The following ALK variants were observed in gnomAD, a reference collection of about 807,000 sequenced individuals.
The protein encoded by ALK is ALK receptor tyrosine kinase, also known as ALK tyrosine kinase receptor.
ALK carries 74 observed loss-of-function variants against 163.1 expected under a neutral mutation model. The ratio of observed to expected loss-of-function variants is 0.45; its 90% CI spans 0.38 to 0.55. The LOEUF (loss-of-function observed/expected upper bound fraction) is 0.55, where lower values mean the gene tolerates loss of function less well. ALK is among the 20% of genes least tolerant of loss of function. The pLI, the probability that ALK is intolerant of heterozygous loss-of-function variation, is 0.00. For synonymous variants in ALK, 960 were observed against 843.2 expected, an observed-to-expected ratio of 1.14 and a Z score of -2.40; for missense variants, 2,063 against 2,105.3, an observed-to-expected ratio of 0.98 and a Z score of 0.39.
At chr2:29,586,694 T>C (rs1035435200) in intron 3 of ALK, among the ~76,000 whole-genome samples, 1 of 152,214 alleles carries the variant, frequency 6.6e-6, no homozygotes, top group African/African-American at 2.4e-5. Context: ...CGACAACTTG[T>C]GCAGTGTGAT....
At chr2:29,794,203 C>T (rs1229452575) in intron 1 of ALK, among the ~76,000 whole-genome samples, 1 of 152,146 alleles carries the variant, frequency 6.6e-6, no homozygotes, top group East Asian at 1.9e-4. Flanking sequence ...CCTTCAACCT[C>T]GTGAACCAAC....
intron 3 of ALK, among the ~76,000 whole-genome samples, chr2:29,552,316 G>A (rs1466274245): frequency 6.6e-6 from 1 of 152,138 alleles, no homozygotes; most frequent in African/African-American, 2.4e-5. Context: ...GAATGTTGGT[G>A]TACAAGTATG....
At chr2:29,460,362 G>A (rs1671056511) in intron 4 of ALK, among the ~76,000 whole-genome samples, 1 of 152,042 alleles carries the variant, frequency 6.6e-6, no homozygotes, top group South Asian at 2.1e-4. Context: ...GTTACCCAGC[G>A]GAGGACATAA....
chr2:29,420,714 C>T (rs1669996813), intron 4 of ALK, among the ~76,000 whole-genome samples: 1 of 151,536 alleles, frequency 6.6e-6, no homozygotes, highest in Non-Finnish European at 1.5e-5. Context: ...GCAGAGGAGA[C>T]TGCAGGCAAC....
At chr2:29,884,463 T>TA (rs926420544) in intron 1 of ALK, among the ~76,000 whole-genome samples, 147 of 147,478 alleles carry the variant, frequency 1.0e-3, no homozygotes, top group African/African-American at 2.5e-3. Context: ...AAGACCATTG[T>TA]AAAAAAAAAA....
At chr2:29,533,566 GTA>G (rs1326185177) in intron 3 of ALK, among the ~76,000 whole-genome samples, 1 of 152,200 alleles carries the variant, frequency 6.6e-6, no homozygotes, top group African/African-American at 2.4e-5. Flanking sequence ...TGGCCAGGAT[GTA>G]TAGCTTTGGA....
chr2:29,454,219 C>T (rs776331588), intron 4 of ALK, among the ~76,000 whole-genome samples: 1 of 152,186 alleles, frequency 6.6e-6, no homozygotes, highest in Non-Finnish European at 1.5e-5. Context: ...AAATCATACA[C>T]ATCCCTCAGT....
At chr2:29,844,449 A>T (rs747318937) in intron 1 of ALK, among the ~76,000 whole-genome samples, 3 of 152,224 alleles carry the variant, frequency 2.0e-5, no homozygotes, top group Non-Finnish European at 2.9e-5. Context: ...TTCAAGGAAC[A>T]GTTATTAACC....
intron 9 of ALK, among the ~76,000 whole-genome samples, chr2:29,295,972 C>T (rs1348598684): frequency 2.6e-5 from 4 of 152,154 alleles, no homozygotes; most frequent in African/African-American, 9.6e-5. Context: ...CAGGATGATA[C>T]GGCAGGGTCA....
intron 4 of ALK, among the ~76,000 whole-genome samples, chr2:29,410,125 C>G (rs575802408): frequency 3.9e-5 from 6 of 152,092 alleles, no homozygotes; most frequent in African/African-American, 1.4e-4. Context: ...GTCATGGGAA[C>G]CTCATAGAGT....
At chr2:29,610,739 G>T (rs548770308) in intron 3 of ALK, among the ~76,000 whole-genome samples, 53 of 152,284 alleles carry the variant, frequency 3.5e-4, no homozygotes, top group African/African-American at 1.3e-3. Context: ...TCATTTTACA[G>T]CTAGAGTCTG....
chr2:29,512,980 C>T (rs1426134506), intron 4 of ALK, among the ~76,000 whole-genome samples: 1 of 151,318 alleles, frequency 6.6e-6, no homozygotes, highest in Non-Finnish European at 1.5e-5. Context: ...CTACAAACCA[C>T]TGCTCAATGA....
At chr2:29,500,284 G>A (rs115975579) in intron 4 of ALK, among the ~76,000 whole-genome samples, 213 of 152,302 alleles carry the variant, frequency 1.4e-3, no homozygotes, top group African/African-American at 4.0e-3. Flanking sequence ...TAGTGAGTGA[G>A]TGAGTTATCA....
intron 8 of ALK, among the ~76,000 whole-genome samples, chr2:29,315,521 G>T (rs1036469296): frequency 6.6e-6 from 1 of 152,172 alleles, no homozygotes; most frequent in African/African-American, 2.4e-5. Context: ...ATGAATTTCA[G>T]TCACAATTGG....
chr2:29,370,446 T>C (rs1668611678), intron 5 of ALK, among the ~76,000 whole-genome samples: 2 of 152,196 alleles, frequency 1.3e-5, no homozygotes, highest in African/African-American at 4.8e-5. Context: ...TTCCTGACCT[T>C]ACACTTGGGC....
At chr2:29,688,101 A>C (rs1678291005) in intron 3 of ALK, among the ~76,000 whole-genome samples, 1 of 152,208 alleles carries the variant, frequency 6.6e-6, no homozygotes, top group Non-Finnish European at 1.5e-5. Context: ...TTTCCTCTCC[A>C]AGTGATGTAG....
intron 1 of ALK, among the ~76,000 whole-genome samples, chr2:29,720,666 T>A (rs1679395315): frequency 6.6e-6 from 1 of 152,164 alleles, no homozygotes; most frequent in Non-Finnish European, 1.5e-5. Flanking sequence ...AGAATACACA[T>A]CAATGTAGAA....
In ALK at chr2:29,732,779, G is replaced by A. The variant is rs1050244125; in HGVS notation, c.668-15082C>T. ...AGGACACAGCAAGAAGGCACTGCTC[G>A]TGAATCAGGAAACAGGCCCTCACCA... is the stretch of plus-strand genomic sequence containing the variant. On this transcript the variant is annotated intron_variant, in intron 1 of 28. Transcript: ENST00000389048. Among the ~76,000 whole-genome samples, 13 of 152,096 alleles carry A rather than the reference G, an allele frequency of 8.5e-5. No individual in the cohort carries two copies. The East Asian group carries it at 1.5e-3, about 18-fold the overall frequency.
At position 29,705,240 on chromosome 2, in the gene ALK, A is replaced by AATATATATATATAT. The variant is rs1172702963; in HGVS notation, c.788-10240_788-10227dup. Among the ~76,000 whole-genome samples the AATATATATATATAT allele has an allele frequency of 1.4e-3, 64 of 47,116 alleles. 3 individuals carry two copies. Among genetic ancestry groups the AATATATATATATAT allele is most frequent in the Middle Eastern group, 0.012 (1 of 84 alleles). The allele number at this position is 47,116 out of a possible 152,430, so 30.9% of individuals were successfully genotyped here. On this transcript the variant is annotated intron_variant, in intron 2 of 28. Transcript: ENST00000389048. ...CTCAACAAAAAAAGAAAAGAAAAGA[A>AATATATATATATAT]ATATATATATATATATATATATATA...
Sources: gnomAD v4.1 joint callset for allele counts (sites outside exome capture counted in the v4.1 genomes callset) on GRCh38, gnomAD v4.1.1 for gene constraint, MANE v1.5 for transcripts, NCBI Gene and HGNC (gene_info 2026-07-23, HGNC 2026-07-21) for gene names.